The following TEX14 variants were observed in gnomAD, a reference collection of about 807,000 sequenced individuals.
TEX14 encodes the protein testis expressed 14, intercellular bridge forming factor.
TEX14 carries 168 observed loss-of-function variants against 178.6 expected under a neutral mutation model. The observed-to-expected ratio is 0.94, with a 90% CI of 0.83 to 1.07. TEX14 has a LOEUF of 1.07. Among genes scored for constraint, TEX14 ranks in the 50% least tolerant of loss-of-function variants. The probability of loss-of-function intolerance (pLI) is 0.00; values close to 1 mark genes in which losing one functional copy is unlikely to be tolerated. For synonymous variants in TEX14, 626 were observed against 634.1 expected (o/e 0.99, Z 0.19); for missense variants, 1,730 against 1,753.6 (o/e 0.99, Z 0.24).
rs1023400911 is a variant in TEX14, at chr17:58,573,154, C to G, written c.3511+27G>C. The stretch of plus-strand genomic sequence containing the variant: ...GGGCTGGGGCTGTAAGTCCTTCTCC[C>G]CAAACACTTCTCTTCCCTGTGATTA... On this transcript the variant is annotated intron_variant, in intron 23 of 31. Coordinates refer to ENST00000349033, the MANE Select transcript of TEX14 (RefSeq NM_031272.5). The G allele has an allele frequency of 6.2e-6, 10 of 1,612,294 alleles. No homozygotes were observed. The Admixed American group carries it at 8.3e-5, about 13-fold the overall frequency.
At chr17:58,669,933 G>A (rs1256397611) in intron 1 of TEX14, among the ~76,000 whole-genome samples, 3 of 151,966 alleles carry the variant, frequency 2.0e-5, no homozygotes, top group Admixed American at 1.3e-4. Flanking sequence ...TCCATCCCAC[G>A]CTCCTTGAGG....
intron 1 of TEX14, chr17:58,660,816 G>C: frequency 1.3e-6 from 1 of 782,562 alleles, no homozygotes; most frequent in South Asian, 1.3e-5. Context: ...GCCAGACTTG[G>C]ATAGCCAGCG....
At chr17:58,561,995 GA>G (rs2044283071) in intron 28 of TEX14, among the ~76,000 whole-genome samples, 1 of 152,184 alleles carries the variant, frequency 6.6e-6, no homozygotes, top group Non-Finnish European at 1.5e-5. Context: ...TGAGGCAGGA[GA>G]ATGGCTTGAG....
At chr17:58,614,561 C>T (rs1262527357) in intron 8 of TEX14, among the ~76,000 whole-genome samples, 1 of 152,244 alleles carries the variant, frequency 6.6e-6, no homozygotes, top group African/African-American at 2.4e-5. Context: ...AACTCAGTCT[C>T]ATGTCAAAGT....
chr17:58,558,100 A>G (rs2044186878), intron 30 of TEX14, among the ~76,000 whole-genome samples: 1 of 152,208 alleles, frequency 6.6e-6, no homozygotes, highest in African/African-American at 2.4e-5. Flanking sequence ...TTATCTTCTC[A>G]GTGAAATCAA....
Position 58,561,585 on chromosome 17 carries a change from C to T in TEX14, c.4092G>A (p.Leu1364=). 1.9e-6 allele frequency: 3 copies of T among 1,613,888 alleles called. No individual in the cohort carries two copies. Among genetic ancestry groups the T allele is most frequent in the East Asian group, 2.2e-5 (1 of 44,886 alleles). Residue 1364 remains leucine (L), a synonymous_variant, in exon 29 of 32, where the codon CTG becomes CTA. Transcript: ENST00000349033. The part of the protein sequence containing the change: ...ERAHSTLDED[L]ERWLQPPEES... ...CCTCAGGTGGCTGCAGCCATCTTTCCAGGTCCTCATCCAGAGTAGAGTGAG... is the reference window on the plus strand; with the variant it reads ...CCTCAGGTGGCTGCAGCCATCTTTCTAGGTCCTCATCCAGAGTAGAGTGAG...
chr17:58,654,748 CT>C (rs1393985310), intron 1 of TEX14, among the ~76,000 whole-genome samples: 2 of 151,708 alleles, frequency 1.3e-5, no homozygotes, highest in Non-Finnish European at 1.5e-5. Flanking sequence ...CTCAGGTGAT[CT>C]GCCCACCTTG....
At chr17:58,561,943 G>A (rs951293214) in intron 28 of TEX14, among the ~76,000 whole-genome samples, 6 of 152,050 alleles carry the variant, frequency 3.9e-5, no homozygotes, top group South Asian at 2.1e-4. Context: ...AAAATCAGCC[G>A]GCGTGGTCGC....
At chr17:58,603,949 T>TGTG (rs2045543259) in intron 11 of TEX14, among the ~76,000 whole-genome samples, 2 of 118,664 alleles carry the variant, frequency 1.7e-5, no homozygotes, top group East Asian at 4.1e-4. Context: ...GTGTGTGTCT[T>TGTG]TCTTTTGAAG....
At chr17:58,611,829 C>T (rs1035869284) in intron 9 of TEX14, among the ~76,000 whole-genome samples, 3 of 152,144 alleles carry the variant, frequency 2.0e-5, no homozygotes, top group Non-Finnish European at 2.9e-5. Flanking sequence ...CATCAATGCA[C>T]CTGGCTGACT....
At chr17:58,648,786 C>CTTTTTTTTTTTTTT (rs34918333) in intron 2 of TEX14, among the ~76,000 whole-genome samples, 3 of 89,722 alleles carry the variant, frequency 3.3e-5, no homozygotes, top group Non-Finnish European at 4.4e-5. Flanking sequence ...CTTTTTTTTT[C>CTTTTTTTTTTTTTT]TTTTTTTTTT....
At chr17:58,685,581 G>A (rs911298642) in intron 1 of TEX14, among the ~76,000 whole-genome samples, 1 of 151,932 alleles carries the variant, frequency 6.6e-6, no homozygotes, top group African/African-American at 2.4e-5. Context: ...GGCCAAAGTA[G>A]CAGGAGTATA....
chr17:58,597,793 T>C (rs1377937788), intron 14 of TEX14, among the ~76,000 whole-genome samples: 2 of 152,214 alleles, frequency 1.3e-5, no homozygotes, highest in East Asian at 1.9e-4. Flanking sequence ...GTTCCTTCTA[T>C]GTACTGGTCA....
intron 24 of TEX14, among the ~76,000 whole-genome samples, chr17:58,571,362 T>C (rs1001559674): frequency 6.6e-6 from 1 of 151,404 alleles, no homozygotes; most frequent in South Asian, 2.1e-4. Flanking sequence ...CAGCCTCCCG[T>C]GTAGCTGAAA....
In TEX14 at chr17:58,584,605, T is replaced by C. The variant is rs769313960; in HGVS notation, c.3071-5A>G. The C allele has an allele frequency of 4.4e-6, 7 of 1,606,918 alleles. No homozygotes were observed. In the South Asian group the frequency reaches 7.7e-5, roughly 18 times the overall value. On this transcript the variant is annotated splice_region_variant and splice_polypyrimidine_tract_variant and intron_variant, in intron 18 of 31. Coordinates refer to ENST00000349033, the MANE Select transcript of TEX14 (RefSeq NM_031272.5). ...TGGGAGATGGGTGCCTGATACCTAA[T>C]GATTGTAACACAGTCAGGGTCAAAG...
intron 3 of TEX14, among the ~76,000 whole-genome samples, chr17:58,627,892 G>C (rs1216456597): frequency 6.7e-6 from 1 of 148,202 alleles, no homozygotes; most frequent in Non-Finnish European, 1.5e-5. Context: ...CAAACATCAG[G>C]TGAGCCAGCC....
chr17:58,604,930 C>T (rs1331698841), intron 11 of TEX14, 48 bp downstream of exon 11: 1 of 1,600,782 alleles, frequency 6.2e-7, no homozygotes, highest in Non-Finnish European at 8.6e-7. Context: ...GAGAAAAATG[C>T]AACCTAAGAA....
intron 3 of TEX14, among the ~76,000 whole-genome samples, chr17:58,624,634 G>A (rs923724330): frequency 5.9e-5 from 9 of 151,918 alleles, no homozygotes; most frequent in South Asian, 2.1e-4. Context: ...GAGCCACCGC[G>A]CCCAGCCTTC....
intron 14 of TEX14, among the ~76,000 whole-genome samples, chr17:58,594,335 C>T (rs1697930253): frequency 6.6e-6 from 1 of 151,544 alleles, no homozygotes; most frequent in South Asian, 2.1e-4. Flanking sequence ...GTTATTCAGA[C>T]TAACATAAGA....
Sources: gnomAD v4.1 joint callset for allele counts (sites outside exome capture counted in the v4.1 genomes callset) on GRCh38, gnomAD v4.1.1 for gene constraint, MANE v1.5 for transcripts, NCBI Gene and HGNC (gene_info 2026-07-23, HGNC 2026-07-21) for gene names.